The following CLMN variants were observed in gnomAD, a reference collection of about 807,000 sequenced individuals.
CLMN encodes calmin, also known as calmin (calponin-like, transmembrane).
In CLMN, 57 loss-of-function variants were observed where a neutral mutation model predicts 92.7. The ratio of observed to expected loss-of-function variants is 0.61; its 90% CI spans 0.50 to 0.77. The LOEUF (loss-of-function observed/expected upper bound fraction) is 0.77. CLMN is among the 30% of genes least tolerant of loss of function. The pLI is 0.00. For missense variants in CLMN, 1,158 were observed against 1,237.5 expected (o/e 0.94, Z 0.96); for synonymous variants, 466 against 470.6 (o/e 0.99, Z 0.13).
intron 1 of CLMN, among the ~76,000 whole-genome samples, chr14:95,309,228 C>T (rs17191114): frequency 0.054 from 8,263 of 152,210 alleles, 246 homozygotes; most frequent in Middle Eastern, 0.092. Context: ...AACCAAAAGT[C>T]GGAAACTGTC....
chr14:95,217,080 G>T (rs552648075), intron 4 of CLMN, among the ~76,000 whole-genome samples: 7 of 152,178 alleles, frequency 4.6e-5, no homozygotes, highest in Non-Finnish European at 1.0e-4. Flanking sequence ...GGCTTTGCAG[G>T]CCACACTGGT....
intron 1 of CLMN, among the ~76,000 whole-genome samples, chr14:95,241,185 T>C (rs1424477918): frequency 1.3e-5 from 2 of 152,054 alleles, no homozygotes; most frequent in Non-Finnish European, 2.9e-5. Flanking sequence ...TAAACATCCG[T>C]GTTTTTAAGT....
chr14:95,252,151 A>G (rs947199122), intron 1 of CLMN, among the ~76,000 whole-genome samples: 2 of 152,166 alleles, frequency 1.3e-5, no homozygotes, highest in African/African-American at 4.8e-5. Flanking sequence ...TGAGTGTGCC[A>G]GCTGAAGTCG....
chr14:95,277,237 ACT>A (rs1327342859), intron 1 of CLMN, among the ~76,000 whole-genome samples: 1 of 152,176 alleles, frequency 6.6e-6, no homozygotes, highest in East Asian at 1.9e-4. Context: ...TTTGTGTGTC[ACT>A]CTGTCATAAA....
chr14:95,266,524 A>C (rs1343845017), intron 1 of CLMN, among the ~76,000 whole-genome samples: 1 of 152,186 alleles, frequency 6.6e-6, no homozygotes, highest in African/African-American at 2.4e-5. Context: ...AAACTATAAA[A>C]CACTGATGAA....
rs549524827 is a variant in CLMN at position 95,280,354 on chromosome 14, T to C, written c.82+39357A>G. On this transcript the variant is annotated intron_variant, in intron 1 of 12. Coordinates refer to ENST00000298912, the MANE Select transcript of CLMN (RefSeq NM_024734.4). ...GCAAAGGTAAAATTTGGCTAGATTC[T>C]CTCTTGAGCAAGATTTTCATGTAAC... Among the ~76,000 whole-genome samples, 4 of 152,324 alleles carry C rather than the reference T, an allele frequency of 2.6e-5. No individual in the cohort carries two copies. In the East Asian group the frequency reaches 7.7e-4, roughly 29 times the overall value.
chr14:95,290,390 C>T (rs550874440), intron 1 of CLMN, among the ~76,000 whole-genome samples: 1 of 152,284 alleles, frequency 6.6e-6, no homozygotes, highest in Admixed American at 6.5e-5. Flanking sequence ...GAAGTTTTCC[C>T]GTAGTCTCAG....
At position 95,210,833 on chromosome 14, in the gene CLMN, G is replaced by A. The variant is rs759955051; in HGVS notation, c.655C>T (p.Leu219=). Residue 219 remains leucine (L), a synonymous_variant, in exon 7 of 13, where the codon CTG becomes TTG. Coordinates refer to ENST00000298912, the MANE Select transcript of CLMN (RefSeq NM_024734.4). ...QDFAGSWRSG[L]AFLAVIKAID... ...GCCTTGATCACCGCCAGGAAAGCCA[G>A]CCCACTCCTCCAACTGCCCGCAAAG... 2.5e-6 allele frequency: 4 copies of A among 1,569,622 alleles called. No homozygotes were observed. In the Admixed American group the frequency reaches 6.2e-5, roughly 24 times the overall value.
At chr14:95,198,708 T>C (rs2140566062) in intron 9 of CLMN, among the ~76,000 whole-genome samples, 1 of 152,246 alleles carries the variant, frequency 6.6e-6, no homozygotes, top group East Asian at 1.9e-4. Flanking sequence ...CTCCCGATTC[T>C]ACCACTGCAA....
chr14:95,315,025 G>A (rs1901701571), intron 1 of CLMN, among the ~76,000 whole-genome samples: 1 of 152,186 alleles, frequency 6.6e-6, no homozygotes, highest in South Asian at 2.1e-4. Context: ...TCCCTTCTCT[G>A]GCTGCTGGAT....
chr14:95,231,610 T>TA (rs1348479167), intron 1 of CLMN, among the ~76,000 whole-genome samples: 1 of 152,172 alleles, frequency 6.6e-6, no homozygotes, highest in African/African-American at 2.4e-5. Flanking sequence ...ACCACTGCCT[T>TA]ACAACACCCC....
intron 1 of CLMN, among the ~76,000 whole-genome samples, chr14:95,268,460 G>A (rs1899566993): frequency 6.6e-6 from 1 of 151,836 alleles, no homozygotes; most frequent in Admixed American, 6.6e-5. Context: ...CAGAATTCTA[G>A]AGTTGGAAAC....
chr14:95,282,606 G>T (rs932398907), intron 1 of CLMN, among the ~76,000 whole-genome samples: 1 of 152,232 alleles, frequency 6.6e-6, no homozygotes, highest in Admixed American at 6.5e-5. Flanking sequence ...CACTGATATG[G>T]CCCCTGGGGA....
intron 4 of CLMN, among the ~76,000 whole-genome samples, chr14:95,220,169 C>CTTTTTTTT (rs767326601): frequency 2.2e-4 from 16 of 71,806 alleles, no homozygotes; most frequent in East Asian, 3.9e-4. Context: ...GGATAGGTCC[C>CTTTTTTTT]TTTTTTTTTT....
chr14:95,276,207 C>A (rs181980479), intron 1 of CLMN, among the ~76,000 whole-genome samples: 1 of 152,180 alleles, frequency 6.6e-6, no homozygotes, highest in East Asian at 1.9e-4. Flanking sequence ...GGGGAAAGGG[C>A]GGAATTGAGT....
chr14:95,191,981 G>A lies in CLMN; in HGVS notation c.2841-249C>T, dbSNP rs1020188256. On this transcript the variant is annotated intron_variant, in intron 12 of 12. Transcript: ENST00000298912. This position sits in a 1 kb window ranked among gnomAD's most constrained non-coding sequence, Gnocchi z 5.3. ...TCCATAACATCAGGTGAGAGGAGGT[G>A]GCAGCCCCATTCTGCAGATGGACAC... 1.9e-5 allele frequency: 7 copies of A among 372,594 alleles called. No homozygotes were observed. The East Asian group carries it at 2.6e-4, about 14-fold the overall frequency. The allele number at this position is 372,594 out of a possible 1,614,324, so 23.1% of individuals were successfully genotyped here. A position where few individuals can be genotyped will look rare whatever the true frequency, so the allele number is the denominator to read the frequency against.
Position 95,196,497 on chromosome 14 carries a change from C to A in CLMN, c.2708+1G>T. The stretch of plus-strand genomic sequence containing the variant: ...CGGGTGAAAAGAGATGAATAAAATA[C>A]CTGGAAGGAATGCTGTAGTCGCTAC... On this transcript the variant is annotated splice_donor_variant, in intron 10 of 12. Transcript: ENST00000298912. LOFTEE classifies it high-confidence loss of function. 6.2e-7 allele frequency: 1 copy of A among 1,606,262 alleles called. No individual in the cohort carries two copies. The highest frequency in any genetic ancestry group is 1.1e-5 in the South Asian group (1 of 89,334).
chr14:95,319,865 C>CCTGGCTGGCGGGCGCGA lies in CLMN; in HGVS notation c.-74_-73insTCGCGCCCGCCAGCCAG. ...GCGGAGAGCCTGGCTGGCGGGCGCGCGAGCGGCACGCACCCGGCGAGGGCG... is the reference window on the plus strand; with the variant it reads ...GCGGAGAGCCTGGCTGGCGGGCGCGCCTGGCTGGCGGGCGCGAGAGCGGCACGCACCCGGCGAGGGCG... On this transcript the variant is annotated 5_prime_UTR_variant, in exon 1 of 13. Coordinates refer to ENST00000298912, the MANE Select transcript of CLMN (RefSeq NM_024734.4). 1 of 826,414 alleles carries CCTGGCTGGCGGGCGCGA rather than the reference C, an allele frequency of 1.2e-6. No individual in the cohort carries two copies. Among genetic ancestry groups the CCTGGCTGGCGGGCGCGA allele is most frequent in the Non-Finnish European group, 1.5e-6 (1 of 685,014 alleles). The allele number at this position is 826,414 out of a possible 1,614,324, so 51.2% of individuals were successfully genotyped here.
chr14:95,317,647 A>G (rs1239990913), intron 1 of CLMN, among the ~76,000 whole-genome samples: 1 of 151,904 alleles, frequency 6.6e-6, no homozygotes, highest in Non-Finnish European at 1.5e-5. Context: ...CCAGTTGTAT[A>G]TCAGGTTCTA....
Sources: allele counts gnomAD v4.1 joint callset (sites outside exome capture counted in the v4.1 genomes callset), GRCh38; gene constraint gnomAD v4.1.1; non-coding constraint Gnocchi (gnomAD v3.1); transcripts MANE v1.5; gene names NCBI Gene and HGNC (gene_info 2026-07-23, HGNC 2026-07-21).